SERGEF: variants seen among roughly 807,000 people sequenced by gnomAD.
The protein encoded by SERGEF is secretion regulating guanine nucleotide exchange factor.
SERGEF carries 51 observed loss-of-function variants against 50.0 expected under a neutral mutation model. The ratio of observed to expected loss-of-function variants is 1.02; its 90% CI spans 0.81 to 1.29. The LOEUF (loss-of-function observed/expected upper bound fraction) is 1.29, where lower values mean the gene tolerates loss of function less well. Ranked by LOEUF, SERGEF falls within the 50% of genes most tolerant of loss-of-function variation. The pLI is 0.00. For synonymous variants in SERGEF, 205 were observed against 212.4 expected, an observed-to-expected ratio of 0.97 and a Z score of 0.30; for missense variants, 521 against 557.0, an observed-to-expected ratio of 0.94 and a Z score of 0.65.
At chr11:17,970,617 G>A (rs1182526995) in intron 8 of SERGEF, among the ~76,000 whole-genome samples, 1 of 152,204 alleles carries the variant, frequency 6.6e-6, no homozygotes, top group Non-Finnish European at 1.5e-5. Context: ...TCTTGCACCT[G>A]TTAAGCAAGT....
At chr11:17,925,428 A>G (rs11605018) in intron 9 of SERGEF, among the ~76,000 whole-genome samples, 47,944 of 146,090 alleles carry the variant, frequency 0.33, 9,346 homozygotes, top group East Asian at 0.48. Flanking sequence ...GGGCAAAGGA[A>G]GGAAGAGAAG....
chr11:17,836,873 GT>G (rs943195842), intron 10 of SERGEF, among the ~76,000 whole-genome samples: 29 of 152,074 alleles, frequency 1.9e-4, no homozygotes, highest in African/African-American at 6.8e-4. Context: ...CTATCTACAA[GT>G]TTACCTCTCC....
Position 17,826,843 on chromosome 11 carries a change from A to G in SERGEF, c.1049-38430T>C, listed in dbSNP as rs547208031. On this transcript the variant is annotated intron_variant, in intron 10 of 10. Transcript: ENST00000265965. ...TTTGAAAGCTCTGGTTTACAGGACA[A>G]TGGTACTTACTACTTATGAAGCATA... 5.1e-4 allele frequency among the ~76,000 whole-genome samples: 77 copies of G among 152,292 alleles called. 1 individual carries two copies. In the South Asian group the frequency reaches 8.7e-3, roughly 17 times the overall value.
Position 18,000,654 on chromosome 11 carries a change from T to C in SERGEF, c.448-97A>G, listed in dbSNP as rs924479787. 54 of 874,350 alleles carry C rather than the reference T, an allele frequency of 6.2e-5. No homozygotes were observed. The Admixed American group carries it at 7.7e-4, about 12-fold the overall frequency. 54.2% of individuals were successfully genotyped at this position (874,350 alleles called of 1,614,324 possible). ...ATACAATGCAGTACGGTCCTCATTA[T>C]GGGTCTGACTGGTTTAAAGCAACCA... On this transcript the variant is annotated intron_variant, in intron 4 of 10. Transcript: ENST00000265965.
At position 17,910,191 on chromosome 11, in the gene SERGEF, A is replaced by ACT. The variant is rs150069623; in HGVS notation, c.1012-31948_1012-31947insAG. 3.9e-3 allele frequency among the ~76,000 whole-genome samples: 518 copies of ACT among 132,634 alleles called. 2 individuals are homozygous for ACT. The highest frequency in any genetic ancestry group is 0.012 in the African/African-American group (459 of 38,100). 87.0% of individuals were successfully genotyped at this position (132,634 alleles called of 152,430 possible). ...CACCTACACACACACACACACACAC[A>ACT]CACTCTCTCTCTCTCTCTCTCTTTC... is the stretch of plus-strand genomic sequence containing the variant. On this transcript the variant is annotated intron_variant, in intron 9 of 10. Transcript: ENST00000265965.
chr11:17,912,105 C>T (rs1851966306), intron 9 of SERGEF, among the ~76,000 whole-genome samples: 1 of 151,948 alleles, frequency 6.6e-6, no homozygotes. Flanking sequence ...CAAAACAAAA[C>T]AAACAGAGAG....
intron 10 of SERGEF, among the ~76,000 whole-genome samples, chr11:17,832,394 G>C (rs547160862): frequency 2.6e-5 from 4 of 152,312 alleles, no homozygotes; most frequent in African/African-American, 9.6e-5. Context: ...GGCCTCCCCA[G>C]CCACGTGGAA....
At chr11:17,823,571 C>G (rs1318149056) in intron 10 of SERGEF, among the ~76,000 whole-genome samples, 1 of 152,072 alleles carries the variant, frequency 6.6e-6, no homozygotes, top group Non-Finnish European at 1.5e-5. Flanking sequence ...GGGCTGGGGG[C>G]AAGGTATTGG....
intron 9 of SERGEF, among the ~76,000 whole-genome samples, chr11:17,897,280 C>A (rs1851665375): frequency 6.6e-6 from 1 of 152,212 alleles, no homozygotes; most frequent in Admixed American, 6.5e-5. Flanking sequence ...ACAATCTGAA[C>A]AAGCTTAGAA....
chr11:17,961,017 A>G lies in SERGEF; in HGVS notation c.845-1381T>C, dbSNP rs186632807. On this transcript the variant is annotated intron_variant, in intron 8 of 10. Coordinates refer to ENST00000265965, the MANE Select transcript of SERGEF (RefSeq NM_012139.4). Reference sequence around the variant, plus strand: ...ACCGTTGGAGTCCAGCACATGTACCACTAGTTCTATGAAACCTTTCTTGAC... The same window carrying G: ...ACCGTTGGAGTCCAGCACATGTACCGCTAGTTCTATGAAACCTTTCTTGAC... Among the ~76,000 whole-genome samples the G allele has an allele frequency of 5.5e-4, 84 of 152,280 alleles. 1 individual carries two copies. Among genetic ancestry groups the G allele is most frequent in the African/African-American group, 1.9e-3 (79 of 41,556 alleles).
At chr11:17,904,729 C>T (rs1228921323) in intron 9 of SERGEF, among the ~76,000 whole-genome samples, 1 of 152,208 alleles carries the variant, frequency 6.6e-6, no homozygotes, top group Non-Finnish European at 1.5e-5. Context: ...GCCTACCAGT[C>T]TGCAAACAGA....
At chr11:17,959,723 A>G in intron 8 of SERGEF, 87 bp from the exon 9 acceptor site, 1 of 1,244,538 alleles carries the variant, frequency 8.0e-7, no homozygotes, top group Non-Finnish European at 1.1e-6. Context: ...AAAGTGTGAC[A>G]TTTATTTTAG....
At chr11:17,967,032 C>G (rs1377436728) in intron 8 of SERGEF, among the ~76,000 whole-genome samples, 3 of 152,138 alleles carry the variant, frequency 2.0e-5, no homozygotes, top group Non-Finnish European at 4.4e-5. Context: ...GCAATAATAA[C>G]AATAATAATT....
At chr11:17,813,423 AC>A (rs747581614) in intron 10 of SERGEF, among the ~76,000 whole-genome samples, 8 of 152,156 alleles carry the variant, frequency 5.3e-5, no homozygotes, top group Non-Finnish European at 1.0e-4. Context: ...TCTTTTCACA[AC>A]CTTTTGCTAC....
At chr11:17,943,362 T>C (rs1219209099) in intron 9 of SERGEF, among the ~76,000 whole-genome samples, 2 of 152,208 alleles carry the variant, frequency 1.3e-5, no homozygotes, top group African/African-American at 4.8e-5. Flanking sequence ...TTTATAGGCA[T>C]AAAGTTATTT....
intron 9 of SERGEF, among the ~76,000 whole-genome samples, chr11:17,921,717 G>C (rs1292865871): frequency 6.6e-6 from 1 of 152,172 alleles, no homozygotes; most frequent in Admixed American, 6.5e-5. Flanking sequence ...GGAAAGATGA[G>C]TTCAGTAAAG....
At chr11:17,827,105 T>C (rs1213860472) in intron 10 of SERGEF, among the ~76,000 whole-genome samples, 2 of 152,234 alleles carry the variant, frequency 1.3e-5, no homozygotes, top group Non-Finnish European at 2.9e-5. Context: ...AATTGGGATG[T>C]AGGGGGTAGA....
In SERGEF at chr11:18,012,902, T is replaced by C. The variant is rs754778507; in HGVS notation, c.60+49A>G. The C allele has an allele frequency of 9.8e-6, 15 of 1,532,178 alleles. No individual in the cohort carries two copies. The East Asian group carries it at 3.2e-4, about 33-fold the overall frequency. 94.9% of individuals were successfully genotyped at this position (1,532,178 alleles called of 1,614,324 possible). On this transcript the variant is annotated intron_variant, in intron 1 of 10. Transcript: ENST00000265965. ...CACGCCGCGGCCAGCAGCTCCCACA[T>C]CTCGGCGCCCCTCAGGGCCTGCACC...
intron 10 of SERGEF, chr11:17,877,857 G>A (rs1416081971): frequency 1.0e-5 from 2 of 191,656 alleles, no homozygotes; most frequent in East Asian, 2.8e-4. Context: ...AACTTAGAAT[G>A]GGGATTTATT....
Sources: gnomAD v4.1 joint callset for allele counts (sites outside exome capture counted in the v4.1 genomes callset) on GRCh38, gnomAD v4.1.1 for gene constraint, MANE v1.5 for transcripts, NCBI Gene and HGNC (gene_info 2026-07-23, HGNC 2026-07-21) for gene names.